The following MADCAM1 variants were observed in gnomAD, a reference collection of about 807,000 sequenced individuals.
The protein encoded by MADCAM1 is mucosal vascular addressin cell adhesion molecule 1, also known as mucosal addressin cell adhesion molecule 1.
MADCAM1 carries 19 observed loss-of-function variants against 26.1 expected under a neutral mutation model. That is an observed-to-expected ratio of 0.73 (90% CI 0.51 to 1.07). The LOEUF (loss-of-function observed/expected upper bound fraction) is 1.07, where lower values mean the gene tolerates loss of function less well. MADCAM1 is among the 50% of genes least tolerant of loss of function. MADCAM1 has a pLI of 0.00. For synonymous variants in MADCAM1, 268 were observed against 260.9 expected (o/e 1.03, Z -0.26); for missense variants, 514 against 542.1 (o/e 0.95, Z 0.51).
intron 3 of MADCAM1, chr19:499,948 C>T (rs1183391373): frequency 2.3e-6 from 1 of 438,636 alleles, no homozygotes; most frequent in East Asian, 7.4e-5. Flanking sequence ...CAAAGGGCTC[C>T]CGGGGATAAA....
At chr19:499,760 C>T (rs985989016) in intron 3 of MADCAM1, 2 of 455,560 alleles carry the variant, frequency 4.4e-6, no homozygotes, top group African/African-American at 4.0e-5. Context: ...TCAATAAACC[C>T]TTGCTGAATG....
rs1474562275 is a variant in MADCAM1 at position 498,082 on chromosome 19, G to A, written c.302G>A (p.Arg101His). The change falls in exon 2 of 5, where the codon CGC (arginine) becomes CAC (histidine). Residue 101 changes from arginine (R) to histidine (H), a missense_variant. This residue lies in a region of MADCAM1 where 317 missense variants were observed against 313.6 expected (regional missense o/e 1.01). Coordinates refer to ENST00000215637, the MANE Select transcript of MADCAM1 (RefSeq NM_130760.3). ...GTGTGCGTGGGCTCCTGCGGGGGCC[G>A]CACCTTCCAGCACACCGTGCAGCTC... ...TRVCVGSCGGRTFQHTVQLLV... is the reference protein window; with the variant it reads ...TRVCVGSCGGHTFQHTVQLLV... 9.7e-6 allele frequency: 14 copies of A among 1,441,004 alleles called. No homozygotes were observed. The highest frequency in any genetic ancestry group is 1.3e-5 in the Non-Finnish European group (14 of 1,102,562). 89.3% of individuals were successfully genotyped at this position (1,441,004 alleles called of 1,614,324 possible).
intron 4 of MADCAM1, 86 bp from the exon 5 acceptor site, chr19:504,659 C>T (rs944615867): frequency 3.7e-5 from 34 of 920,816 alleles, no homozygotes; most frequent in Non-Finnish European, 5.0e-5. Context: ...TTTGGAAGCA[C>T]GTGTAGCCTC....
rs913507992 is a variant in MADCAM1 at position 498,722 on chromosome 19, C to G, written c.564C>G (p.Arg188=). The G allele has an allele frequency of 4.8e-6, 7 of 1,457,196 alleles. No individual in the cohort carries two copies. Among genetic ancestry groups the G allele is most frequent in the Non-Finnish European group, 6.3e-6 (7 of 1,109,796 alleles). 90.3% of individuals were successfully genotyped at this position (1,457,196 alleles called of 1,614,324 possible). Residue 188 remains arginine (R), a synonymous_variant, in exon 3 of 5, where the codon CGC becomes CGG. Transcript: ENST00000215637. ...ACGTGCTGTTCAGGGTGACAGAGCGCTGGCGGCTGCCGCCCCTGGGGACCC... is the reference window on the plus strand; with the variant it reads ...ACGTGCTGTTCAGGGTGACAGAGCGGTGGCGGCTGCCGCCCCTGGGGACCC... The part of the protein sequence containing the change: ...DEDVLFRVTE[R]WRLPPLGTPV...
At chr19:497,666 A>C in intron 1 of MADCAM1, among the ~76,000 whole-genome samples, 167 bp from the exon 2 acceptor site, 1 of 141,772 alleles carries the variant, frequency 7.1e-6, no homozygotes, top group Admixed American at 7.3e-5. Context: ...TCAGGGACCG[A>C]GCCTGGGAGT....
chr19:499,918 G>A (rs1028396766), intron 3 of MADCAM1: 30 of 451,790 alleles, frequency 6.6e-5, no homozygotes, highest in African/African-American at 3.6e-4. Context: ...GTTAATGGAC[G>A]TGAGGTCGTG....
intron 4 of MADCAM1, among the ~76,000 whole-genome samples, chr19:503,823 G>A (rs1216863418): frequency 1.3e-5 from 2 of 152,016 alleles, no homozygotes; most frequent in African/African-American, 4.8e-5. Context: ...CCAAGGAGGA[G>A]GATCACCTGA....
At chr19:497,279 T>C (rs182343310) in intron 1 of MADCAM1, among the ~76,000 whole-genome samples, 4 of 15,820 alleles carry the variant, frequency 2.5e-4, no homozygotes, top group Non-Finnish European at 3.3e-4. Flanking sequence ...GAAGGGGGGC[T>C]CGGGAGAGGG....
rs764837360 is a variant in MADCAM1 at position 498,576 on chromosome 19, A to G, written c.418A>G (p.Thr140Ala). ...PEVACTAHKV[T>A]PVDPNALSFS... is the part of the protein sequence containing the mutation. ...GGTGGCCTGTACGGCCCACAAAGTC[A>G]CGCCCGTGGACCCCAACGCGCTCTC... is the stretch of plus-strand genomic sequence containing the variant. Residue 140 changes from threonine (T) to alanine (A), a missense_variant, in exon 3 of 5, where the codon ACG becomes GCG. Coordinates refer to ENST00000215637, the MANE Select transcript of MADCAM1 (RefSeq NM_130760.3). 6.1e-6 allele frequency: 9 copies of G among 1,480,754 alleles called. No individual in the cohort carries two copies. The highest frequency in any genetic ancestry group is 4.5e-6 in the Non-Finnish European group (5 of 1,119,790). The allele number at this position is 1,480,754 out of a possible 1,614,324, so 91.7% of individuals were successfully genotyped here.
chr19:500,045 C>T (rs1216772342), intron 3 of MADCAM1: 2 of 454,912 alleles, frequency 4.4e-6, no homozygotes, highest in Non-Finnish European at 8.8e-6. Flanking sequence ...GGATATTTTA[C>T]AGAACACGGG....
At chr19:503,513 G>A (rs1465985879) in intron 4 of MADCAM1, among the ~76,000 whole-genome samples, 5 of 128,724 alleles carry the variant, frequency 3.9e-5, no homozygotes, top group Admixed American at 7.8e-5. Context: ...CCTGGGAGGC[G>A]GAGCCTGCAG....
chr19:498,704 G>T lies in MADCAM1; in HGVS notation c.546G>T (p.Leu182=). The change falls in exon 3 of 5, where the codon CTG becomes CTT. Residue 182 remains leucine (L), a synonymous_variant. Transcript: ENST00000215637. ...EEEPQGDEDV[L]FRVTERWRLP... is the part of the protein sequence containing the mutation. ...AGCCCCAGGGGGACGAGGACGTGCTGTTCAGGGTGACAGAGCGCTGGCGGC... is the reference window on the plus strand; with the variant it reads ...AGCCCCAGGGGGACGAGGACGTGCTTTTCAGGGTGACAGAGCGCTGGCGGC... 6.9e-7 allele frequency: 1 copy of T among 1,459,796 alleles called. No individual in the cohort carries two copies. The allele number at this position is 1,459,796 out of a possible 1,614,324, so 90.4% of individuals were successfully genotyped here.
chr19:504,654 A>G, intron 4 of MADCAM1, 91 bp from the exon 5 acceptor site: 2 of 860,998 alleles, frequency 2.3e-6, no homozygotes, highest in Non-Finnish European at 3.7e-6. Context: ...GTAACTTTGG[A>G]AGCACGTGTA....
At position 504,924 on chromosome 19, in the gene MADCAM1, G is replaced by A. The variant is rs371476209; in HGVS notation, c.1108G>A (p.Gly370Arg). 2 of 1,606,936 alleles carry A rather than the reference G, an allele frequency of 1.2e-6. No homozygotes were observed. The highest frequency in any genetic ancestry group is 1.3e-5 in the African/African-American group (1 of 74,840). ...TCTGCCCCAGGTGTCGGCCTGGGCT[G>A]GGTTAAGGGGGACCGGCCAGGTCGG... ...RLLPQVSAWA[G>R]LRGTGQVGIS... Residue 370 changes from glycine to arginine, a missense_variant, in exon 5 of 5, where the codon GGG (glycine) becomes AGG (arginine). This residue lies in a region of MADCAM1 where 152 missense variants were observed against 136.7 expected (regional missense o/e 1.11). Coordinates refer to ENST00000215637, the MANE Select transcript of MADCAM1 (RefSeq NM_130760.3).
chr19:501,352 G>A (rs1394239930), intron 3 of MADCAM1, among the ~76,000 whole-genome samples: 2 of 151,342 alleles, frequency 1.3e-5, no homozygotes, highest in African/African-American at 4.9e-5. Flanking sequence ...AGGTGTGGTG[G>A]CAAGCGCCTG....
Position 504,958 on chromosome 19 carries a change from C to T in MADCAM1, c.1142C>T (p.Pro381Leu). The T allele has an allele frequency of 6.3e-7, 1 of 1,588,588 alleles. No individual in the cohort carries two copies. The highest frequency in any genetic ancestry group is 8.6e-7 in the Non-Finnish European group (1 of 1,160,886). The change falls in exon 5 of 5, where the codon CCC becomes CTC. Residue 381 changes from proline (P) to leucine (L), a missense_variant. Pro to Leu is a moderately conservative substitution (Grantham distance 98, BLOSUM62 -3). Coordinates refer to ENST00000215637, the MANE Select transcript of MADCAM1 (RefSeq NM_130760.3). ...LRGTGQVGISPS is the reference protein window; with the variant it reads ...LRGTGQVGISLS ...GGGACCGGCCAGGTCGGGATCAGCC[C>T]CTCCTGAGTGGCCAGCCTTTCCCCC...
intron 4 of MADCAM1, among the ~76,000 whole-genome samples, 153 bp from the exon 5 acceptor site, chr19:504,592 C>T (rs766362809): frequency 3.3e-5 from 5 of 152,146 alleles, no homozygotes; most frequent in Admixed American, 1.3e-4. Context: ...AGGTGCTATG[C>T]GCATTTCAAA....
rs760393977 is a variant in MADCAM1, at chr19:498,562, C to T, written c.404C>T (p.Thr135Met). 9 of 1,479,532 alleles carry T rather than the reference C, an allele frequency of 6.1e-6. No individual in the cohort carries two copies. The highest frequency in any genetic ancestry group is 1.4e-5 in the South Asian group (1 of 69,438). 91.7% of individuals were successfully genotyped at this position (1,479,532 alleles called of 1,614,324 possible). A position where few individuals can be genotyped will look rare whatever the true frequency, so the allele number is the denominator to read the frequency against. Reference sequence around the variant, plus strand: ...CCTGGTGACCCGGAGGTGGCCTGTACGGCCCACAAAGTCACGCCCGTGGAC... The same window carrying T: ...CCTGGTGACCCGGAGGTGGCCTGTATGGCCCACAAAGTCACGCCCGTGGAC... ...LVPGDPEVAC[T>M]AHKVTPVDPN... Residue 135 changes from threonine to methionine, a missense_variant, in exon 3 of 5, where the codon ACG becomes ATG. By Grantham distance (81) the Thr-to-Met change is moderately conservative (BLOSUM62 -1). This residue lies in a region of MADCAM1 where 317 missense variants were observed against 313.6 expected (regional missense o/e 1.01). Coordinates refer to ENST00000215637, the MANE Select transcript of MADCAM1 (RefSeq NM_130760.3).
chr19:503,947 C>G (rs1458898250), intron 4 of MADCAM1, among the ~76,000 whole-genome samples: 5 of 150,984 alleles, frequency 3.3e-5, no homozygotes, highest in Non-Finnish European at 7.4e-5. Context: ...GAGGATTACT[C>G]GGGAGGCTGA....
Sources: gnomAD v4.1 joint callset for allele counts (sites outside exome capture counted in the v4.1 genomes callset) on GRCh38, gnomAD v4.1.1 for gene constraint, gnomAD v4.1.1 regional missense constraint, MANE v1.5 for transcripts, NCBI Gene and HGNC (gene_info 2026-07-23, HGNC 2026-07-21) for gene names.